Variants in EDARADD observed in about 807,000 individuals in gnomAD.
EDARADD encodes the protein EDAR associated via death domain.
A neutral mutation model predicts 25.6 loss-of-function variants in EDARADD; 20 were observed. That is an observed-to-expected ratio of 0.78 (90% CI 0.55 to 1.14). The LOEUF is 1.14. Ranked by LOEUF, EDARADD falls within the 50% of genes most tolerant of loss-of-function variation. EDARADD has a pLI of 0.00. For missense variants in EDARADD, 225 were observed against 270.1 expected, an observed-to-expected ratio of 0.83 and a Z score of 1.17; for synonymous variants, 86 against 94.4, an observed-to-expected ratio of 0.91 and a Z score of 0.52.
intron 3 of EDARADD, among the ~76,000 whole-genome samples, chr1:236,363,030 T>TATATATATATATATATATATAA (rs796610771): frequency 2.6e-4 from 27 of 101,944 alleles, no homozygotes; most frequent in South Asian, 1.7e-3. Flanking sequence ...TATATATATA[T>TATATATATATATATATATATAA]ATAAAATTTG....
rs370241361 is a variant in EDARADD at position 236,395,512 on chromosome 1, G to A, written c.61+1007G>A. On this transcript the variant is annotated intron_variant, in intron 1 of 5. Coordinates refer to ENST00000334232, the MANE Select transcript of EDARADD (RefSeq NM_145861.4). The surrounding 1 kb of genome is among the most constrained non-coding windows in gnomAD (Gnocchi z 6.9). Reference sequence around the variant, plus strand: ...GAGGGCAGGGGCGCGCAGAGCCACGGTTTGCTCCAGGCGCGTCGGAACCGC... The same window carrying A: ...GAGGGCAGGGGCGCGCAGAGCCACGATTTGCTCCAGGCGCGTCGGAACCGC... 6 of 1,530,950 alleles carry A rather than the reference G, an allele frequency of 3.9e-6. No homozygotes were observed. 94.8% of individuals were successfully genotyped at this position (1,530,950 alleles called of 1,614,324 possible). A position where few individuals can be genotyped will look rare whatever the true frequency, so the allele number is the denominator to read the frequency against.
chr1:236,418,866 T>C (rs1191458909), intron 3 of EDARADD, among the ~76,000 whole-genome samples: 1 of 152,184 alleles, frequency 6.6e-6, no homozygotes, highest in Non-Finnish European at 1.5e-5. Flanking sequence ...GTTTGCTCTG[T>C]GTTCTCATCC....
chr1:236,356,428 A>C (rs1266719493), intron 3 of EDARADD, among the ~76,000 whole-genome samples: 2 of 152,190 alleles, frequency 1.3e-5, no homozygotes, highest in East Asian at 3.8e-4. Context: ...AGCCCGGAGA[A>C]CAATGATTCT....
At chr1:236,479,650 C>T (rs1659611331) in intron 5 of EDARADD, among the ~76,000 whole-genome samples, 1 of 151,962 alleles carries the variant, frequency 6.6e-6, no homozygotes. Context: ...CCCATGCTCT[C>T]TTCCTATTTT....
At chr1:236,480,011 A>C (rs935843031) in intron 5 of EDARADD, among the ~76,000 whole-genome samples, 1 of 149,868 alleles carries the variant, frequency 6.7e-6, no homozygotes, top group Admixed American at 6.7e-5. Flanking sequence ...GTGCCACCGC[A>C]CTCCAGCCAG....
At chr1:236,367,292 C>T (rs1319655879) in intron 3 of EDARADD, among the ~76,000 whole-genome samples, 2 of 151,880 alleles carry the variant, frequency 1.3e-5, no homozygotes, top group Admixed American at 6.6e-5. Flanking sequence ...TGCAGTGGCA[C>T]GATCTTGGCT....
intron 3 of EDARADD, among the ~76,000 whole-genome samples, chr1:236,357,221 C>G (rs1392107625): frequency 6.6e-6 from 1 of 152,124 alleles, no homozygotes; most frequent in African/African-American, 2.4e-5. Flanking sequence ...ACTTCTGCTG[C>G]AAATCCAAGT....
chr1:236,448,221 T>C (rs896935124), intron 4 of EDARADD, among the ~76,000 whole-genome samples: 30 of 152,212 alleles, frequency 2.0e-4, no homozygotes, highest in African/African-American at 6.8e-4. Context: ...ACTCCAAGCA[T>C]TGATCTTCCT....
At chr1:236,374,891 A>G (rs2102994447) in intron 3 of EDARADD, among the ~76,000 whole-genome samples, 1 of 150,954 alleles carries the variant, frequency 6.6e-6, no homozygotes, top group Middle Eastern at 3.4e-3. Flanking sequence ...TAGATCATTG[A>G]TGTTTAGAGT....
intron 4 of EDARADD, among the ~76,000 whole-genome samples, chr1:236,453,203 C>T (rs960736836): frequency 6.6e-6 from 1 of 151,884 alleles, no homozygotes; most frequent in Non-Finnish European, 1.5e-5. Context: ...TAACTACAGT[C>T]TTGTGCTGCA....
intron 1 of EDARADD, among the ~76,000 whole-genome samples, chr1:236,348,467 C>G (rs1666877539): frequency 1.3e-5 from 2 of 152,220 alleles, no homozygotes; most frequent in South Asian, 4.1e-4. Flanking sequence ...GCCCAGCCAG[C>G]CGTCGCCGCG....
At chr1:236,466,113 TC>T (rs1225451417) in intron 4 of EDARADD, among the ~76,000 whole-genome samples, 2 of 152,220 alleles carry the variant, frequency 1.3e-5, no homozygotes, top group East Asian at 3.8e-4. Context: ...TTTGTATCTC[TC>T]GACAGTACCT....
intron 3 of EDARADD, among the ~76,000 whole-genome samples, chr1:236,361,708 T>G (rs1667053310): frequency 6.8e-6 from 1 of 148,084 alleles, no homozygotes; most frequent in Non-Finnish European, 1.5e-5. Context: ...GAATAATTAT[T>G]TTCGGATTCA....
chr1:236,433,556 C>T (rs990271669), intron 4 of EDARADD, among the ~76,000 whole-genome samples: 18 of 151,622 alleles, frequency 1.2e-4, no homozygotes, highest in African/African-American at 4.4e-4. Context: ...GGTGATCCAC[C>T]CACCTCAGTC....
intron 3 of EDARADD, among the ~76,000 whole-genome samples, chr1:236,416,773 A>G (rs1338707198): frequency 1.3e-5 from 2 of 152,238 alleles, no homozygotes; most frequent in East Asian, 1.9e-4. Flanking sequence ...GCTCAACAAT[A>G]TAACAACTTG....
At chr1:236,421,309 TG>T (rs1472540879) in intron 3 of EDARADD, among the ~76,000 whole-genome samples, 1 of 145,352 alleles carries the variant, frequency 6.9e-6, no homozygotes, top group Admixed American at 7.2e-5. Context: ...GTTGTCAGGA[TG>T]TGATTGGCTT....
intron 4 of EDARADD, 110 bp from the exon 5 acceptor site, chr1:236,468,121 C>G: frequency 9.4e-7 from 1 of 1,058,514 alleles, no homozygotes; most frequent in Non-Finnish European, 1.5e-6. Context: ...GTCCCTCCAC[C>G]CACCCCAGCC....
chr1:236,374,468 C>T (rs941103204), intron 3 of EDARADD, among the ~76,000 whole-genome samples: 3 of 152,030 alleles, frequency 2.0e-5, no homozygotes, highest in Non-Finnish European at 4.4e-5. Flanking sequence ...AAAGTCTTGC[C>T]ACGTTGCCCA....
At chr1:236,415,064 C>A (rs111398564) in intron 3 of EDARADD, among the ~76,000 whole-genome samples, 4 of 152,132 alleles carry the variant, frequency 2.6e-5, no homozygotes, top group African/African-American at 9.6e-5. Flanking sequence ...AGATGGCGTT[C>A]TCAAGGTGGT....
Sources: allele counts gnomAD v4.1 joint callset (sites outside exome capture counted in the v4.1 genomes callset), GRCh38; gene constraint gnomAD v4.1.1; non-coding constraint Gnocchi (gnomAD v3.1); transcripts MANE v1.5; gene names NCBI Gene and HGNC (gene_info 2026-07-23, HGNC 2026-07-21).